Variants in PCDH9 observed in about 807,000 individuals in gnomAD.
PCDH9 encodes the protein protocadherin 9.
Under a neutral mutation model 70.6 loss-of-function variants are expected in PCDH9, and 24 were observed. That is an observed-to-expected ratio of 0.34 (90% CI 0.25 to 0.48). PCDH9 has a LOEUF of 0.48. Among genes scored for constraint, PCDH9 ranks in the 20% least tolerant of loss-of-function variants. The pLI is 0.99. For missense variants in PCDH9, 1,281 were observed against 1,503.6 expected (o/e 0.85, Z 2.45); for synonymous variants, 562 against 558.5 (o/e 1.01, Z -0.09).
intron 2 of PCDH9, among the ~76,000 whole-genome samples, chr13:67,115,350 T>C (rs2086739057): frequency 1.3e-5 from 2 of 152,228 alleles, no homozygotes; most frequent in Admixed American, 1.3e-4. Context: ...TTGGGCTTCC[T>C]GATACAGGGA....
At chr13:67,021,898 C>T (rs1372066399) in intron 2 of PCDH9, among the ~76,000 whole-genome samples, 1 of 151,532 alleles carries the variant, frequency 6.6e-6, no homozygotes, top group Non-Finnish European at 1.5e-5. Flanking sequence ...TTTGTTTTTT[C>T]TCTATGTGTA....
chr13:67,031,284 A>T (rs1367113238), intron 2 of PCDH9, among the ~76,000 whole-genome samples: 1 of 152,196 alleles, frequency 6.6e-6, no homozygotes, highest in Non-Finnish European at 1.5e-5. Context: ...TGAAGTAAAA[A>T]ATTATCTACA....
At chr13:66,768,613 C>G (rs1292700153) in intron 3 of PCDH9, among the ~76,000 whole-genome samples, 4 of 151,978 alleles carry the variant, frequency 2.6e-5, no homozygotes, top group Non-Finnish European at 5.9e-5. Flanking sequence ...AAGAATGACA[C>G]AATTTTAGAT....
At chr13:67,030,493 C>T (rs2084883244) in intron 2 of PCDH9, among the ~76,000 whole-genome samples, 2 of 151,858 alleles carry the variant, frequency 1.3e-5, no homozygotes, top group Non-Finnish European at 2.9e-5. Context: ...CACCACCGAC[C>T]CCCACCAACA....
At chr13:66,986,688 T>A (rs1341050284) in intron 2 of PCDH9, among the ~76,000 whole-genome samples, 2 of 152,010 alleles carry the variant, frequency 1.3e-5, no homozygotes, top group Non-Finnish European at 2.9e-5. Flanking sequence ...TTCCAACAGA[T>A]TTTAGGGTAC....
intron 3 of PCDH9, among the ~76,000 whole-genome samples, chr13:66,796,036 T>G (rs2080235500): frequency 6.6e-6 from 1 of 152,150 alleles, no homozygotes; most frequent in Admixed American, 6.6e-5. Context: ...AACCCATGAT[T>G]TTTCAACAAA....
At chr13:66,936,070 C>G (rs183848928) in intron 2 of PCDH9, among the ~76,000 whole-genome samples, 1 of 152,170 alleles carries the variant, frequency 6.6e-6, no homozygotes, top group East Asian at 1.9e-4. Context: ...GGCAACAGAG[C>G]GAGACTCTGT....
At chr13:66,634,855 C>T (rs865793055) in intron 3 of PCDH9, among the ~76,000 whole-genome samples, 2 of 152,224 alleles carry the variant, frequency 1.3e-5, no homozygotes, top group Non-Finnish European at 1.5e-5. Flanking sequence ...TTTGGCATGC[C>T]TCACCATGCA....
At chr13:66,323,401 AGAGT>A (rs1955789801) in intron 4 of PCDH9, 1 of 152,050 alleles carries the variant, frequency 6.6e-6, no homozygotes, top group African/African-American at 2.4e-5. Context: ...GGCAGAAGAA[AGAGT>A]AAGTCGTTTA....
intron 4 of PCDH9, among the ~76,000 whole-genome samples, chr13:66,545,522 T>C (rs1396696337): frequency 6.6e-6 from 1 of 152,196 alleles, no homozygotes; most frequent in East Asian, 1.9e-4. Context: ...TAATGTGCCA[T>C]ATTATAACAT....
At chr13:66,631,096 C>T (rs1041165358) in intron 4 of PCDH9, 114 bp downstream of exon 4, 5 of 653,460 alleles carry the variant, frequency 7.7e-6, no homozygotes, top group Admixed American at 4.8e-5. Flanking sequence ...ACAATAAAGC[C>T]AGCAAAAAAA....
At chr13:67,027,837 A>G (rs1184744205) in intron 2 of PCDH9, among the ~76,000 whole-genome samples, 3 of 151,950 alleles carry the variant, frequency 2.0e-5, no homozygotes, top group Non-Finnish European at 4.4e-5. Context: ...ATCACTGGCC[A>G]TCAGAGAAAT....
intron 2 of PCDH9, among the ~76,000 whole-genome samples, chr13:66,988,730 CTTAT>C (rs2083942591): frequency 6.6e-6 from 1 of 151,806 alleles, no homozygotes; most frequent in Non-Finnish European, 1.5e-5. Flanking sequence ...GTCATCTATT[CTTAT>C]TTATTTTTAA....
intron 4 of PCDH9, among the ~76,000 whole-genome samples, chr13:66,619,729 C>CA (rs2138896396): frequency 6.6e-6 from 1 of 152,212 alleles, no homozygotes; most frequent in South Asian, 2.1e-4. Context: ...ACATTACTTC[C>CA]AAAAAATCCA....
Position 67,129,957 on chromosome 13 carries a change from C to A in PCDH9, c.3036+95448G>T, listed in dbSNP as rs188937425. ...ATTTTTAAAAAGCATGAGAGTTAGACTTGGGAAAGATCACCTTGGAAAGAG... is the reference window on the plus strand; with the variant it reads ...ATTTTTAAAAAGCATGAGAGTTAGAATTGGGAAAGATCACCTTGGAAAGAG... On this transcript the variant is annotated intron_variant, in intron 2 of 4. Transcript: ENST00000377865. 1.2e-4 allele frequency among the ~76,000 whole-genome samples: 19 copies of A among 152,144 alleles called. No homozygotes were observed. In the East Asian group the frequency reaches 3.3e-3, roughly 26 times the overall value.
Position 67,225,318 on chromosome 13 carries a change from C to T in PCDH9, c.3036+87G>A, listed in dbSNP as rs540485392. Reference sequence around the variant, plus strand: ...CTTTCTAACTAAGCTAAAGTTAGACCAAAACAATAGACATACTGGCACGTT... The same window carrying T: ...CTTTCTAACTAAGCTAAAGTTAGACTAAAACAATAGACATACTGGCACGTT... On this transcript the variant is annotated intron_variant, in intron 2 of 4. Coordinates refer to ENST00000377865, the MANE Select transcript of PCDH9 (RefSeq NM_203487.3). The T allele has an allele frequency of 1.3e-5, 19 of 1,433,678 alleles. No homozygotes were observed. The African/African-American group carries it at 2.7e-4, about 20-fold the overall frequency. 88.8% of individuals were successfully genotyped at this position (1,433,678 alleles called of 1,614,324 possible). A position where few individuals can be genotyped will look rare whatever the true frequency, so the allele number is the denominator to read the frequency against.
intron 2 of PCDH9, among the ~76,000 whole-genome samples, chr13:67,143,399 C>G (rs2087444460): frequency 6.6e-6 from 1 of 152,150 alleles, no homozygotes; most frequent in Admixed American, 6.5e-5. Context: ...ACTATTCCCT[C>G]TGCTAGTTAT....
intron 4 of PCDH9, among the ~76,000 whole-genome samples, chr13:66,374,355 G>A (rs1194705697): frequency 6.6e-6 from 1 of 151,910 alleles, no homozygotes; most frequent in Non-Finnish European, 1.5e-5. Context: ...AGAACATGAA[G>A]AGGAGATAGG....
At chr13:67,191,882 C>T (rs528096110) in intron 2 of PCDH9, among the ~76,000 whole-genome samples, 1 of 152,176 alleles carries the variant, frequency 6.6e-6, no homozygotes, top group East Asian at 1.9e-4. Flanking sequence ...AACTGAACCA[C>T]TTGCTTTCAA....
Sources: gnomAD v4.1 joint callset for allele counts (sites outside exome capture counted in the v4.1 genomes callset) on GRCh38, gnomAD v4.1.1 for gene constraint, MANE v1.5 for transcripts, NCBI Gene and HGNC (gene_info 2026-07-23, HGNC 2026-07-21) for gene names.